The following RIN2 variants were observed in gnomAD, a reference collection of about 807,000 sequenced individuals.
The protein encoded by RIN2 is RAB5 interacting protein 2.
In RIN2, 36 loss-of-function variants were observed where a neutral mutation model predicts 78.0. The ratio of observed to expected loss-of-function variants is 0.46; its 90% CI spans 0.35 to 0.61. RIN2 has a LOEUF of 0.61. Among genes scored for constraint, RIN2 ranks in the 20% least tolerant of loss-of-function variants. The pLI is 0.00. For missense variants in RIN2, 1,087 were observed against 1,159.7 expected (o/e 0.94, Z 0.91); for synonymous variants, 466 against 466.8 (o/e 1.00, Z 0.02).
intron 3 of RIN2, among the ~76,000 whole-genome samples, chr20:19,927,783 C>T (rs887376884): frequency 3.9e-5 from 6 of 152,102 alleles, no homozygotes; most frequent in African/African-American, 7.2e-5. Flanking sequence ...CTCCTGGGCT[C>T]AAGTGATCCT....
chr20:19,861,571 CTGA>C (rs1241340061), intron 2 of RIN2, among the ~76,000 whole-genome samples: 1 of 150,956 alleles, frequency 6.6e-6, no homozygotes, highest in African/African-American at 2.5e-5. Flanking sequence ...CCCTCCATAT[CTGA>C]TGATCACCCT....
At chr20:19,852,365 C>T (rs1196652545) in intron 2 of RIN2, among the ~76,000 whole-genome samples, 1 of 152,186 alleles carries the variant, frequency 6.6e-6, no homozygotes, top group East Asian at 1.9e-4. Context: ...ACCAGAAAGT[C>T]ACCTTATTGA....
chr20:19,818,754 G>GA lies in RIN2; in HGVS notation c.-37+19018dup, dbSNP rs1265221489. On this transcript the variant is annotated intron_variant, in intron 2 of 12. Transcript: ENST00000255006. ...ATCAAAAAAAAAAAAGAAAGAAAGA[G>GA]AAAAAAAAAAAGAAAGTAACTGGGC... Among the ~76,000 whole-genome samples, 412 of 113,490 alleles carry GA rather than the reference G, an allele frequency of 3.6e-3. 4 individuals are homozygous for GA. The highest frequency in any genetic ancestry group is 0.022 in the East Asian group (89 of 4,010). 74.5% of individuals were successfully genotyped at this position (113,490 alleles called of 152,430 possible).
intron 5 of RIN2, among the ~76,000 whole-genome samples, chr20:19,957,821 C>G (rs1008401288): frequency 1.3e-5 from 2 of 152,198 alleles, no homozygotes; most frequent in African/African-American, 4.8e-5. Flanking sequence ...ATTTTAAGTG[C>G]TCTCTGGCCT....
intron 1 of RIN2, among the ~76,000 whole-genome samples, chr20:19,782,707 C>T (rs1304076585): frequency 1.3e-5 from 2 of 152,150 alleles, no homozygotes; most frequent in African/African-American, 4.8e-5. Flanking sequence ...TTCTAAATGC[C>T]TCCCTTCCTC....
chr20:19,838,300 CCCA>C (rs766070565), intron 2 of RIN2, among the ~76,000 whole-genome samples: 1,878 of 152,170 alleles, frequency 0.012, 18 homozygotes, highest in East Asian at 0.035. Context: ...AATTAATTTA[CCCA>C]ATCAAGTTTA....
At position 19,867,804 on chromosome 20, in the gene RIN2, GGTTT is replaced by G. The variant is rs1391985004; in HGVS notation, c.-36-21759_-36-21756del. Among the ~76,000 whole-genome samples the G allele has an allele frequency of 2.0e-5, 3 of 152,284 alleles. No individual in the cohort carries two copies. In the East Asian group the frequency reaches 5.8e-4, roughly 29 times the overall value. On this transcript the variant is annotated intron_variant, in intron 2 of 12. Transcript: ENST00000255006. ...GCAGTGGGAGAATTTTAAGAGTTGT[GGTTT>G]GTCTAAAACTGAGAGATGAATCAAA...
At chr20:19,841,171 C>G (rs1403710931) in intron 2 of RIN2, among the ~76,000 whole-genome samples, 5 of 152,048 alleles carry the variant, frequency 3.3e-5, no homozygotes, top group Admixed American at 1.3e-4. Flanking sequence ...CAGCCTCAAA[C>G]TCTTGGCCTC....
At chr20:19,912,654 T>C (rs539558297) in intron 3 of RIN2, among the ~76,000 whole-genome samples, 3 of 151,886 alleles carry the variant, frequency 2.0e-5, no homozygotes, top group Admixed American at 2.0e-4. Flanking sequence ...AATTTTTGTA[T>C]TTTTAGTAGA....
chr20:19,974,240 C>A (rs2042195551), intron 8 of RIN2, among the ~76,000 whole-genome samples: 1 of 152,160 alleles, frequency 6.6e-6, no homozygotes, highest in Non-Finnish European at 1.5e-5. Context: ...GGAGGGCATC[C>A]CAGGAGAAGT....
In RIN2 at chr20:19,989,407, G is replaced by A. The variant is rs141668867; in HGVS notation, c.1763-599G>A. 1.9e-3 allele frequency among the ~76,000 whole-genome samples: 285 copies of A among 151,632 alleles called. 2 individuals carry two copies. The highest frequency in any genetic ancestry group is 6.6e-3 in the African/African-American group (274 of 41,314). ...TCCTGCCTCAGCCTCCCCAGTAGCT[G>A]GGACTACAAGCGTGCACCACCATGC... On this transcript the variant is annotated intron_variant, in intron 9 of 12. Coordinates refer to ENST00000255006, the MANE Select transcript of RIN2 (RefSeq NM_018993.4).
At chr20:19,837,596 G>A (rs1484481487) in intron 2 of RIN2, among the ~76,000 whole-genome samples, 2 of 152,090 alleles carry the variant, frequency 1.3e-5, no homozygotes, top group African/African-American at 2.4e-5. Flanking sequence ...TTCATTATAA[G>A]TTAAGTATAT....
chr20:19,805,348 G>A (rs151139709), intron 2 of RIN2, among the ~76,000 whole-genome samples: 116 of 152,260 alleles, frequency 7.6e-4, no homozygotes, highest in African/African-American at 2.5e-3. Context: ...ATTCATCTTC[G>A]AATAGTCCAA....
intron 4 of RIN2, among the ~76,000 whole-genome samples, chr20:19,942,352 C>T (rs950890477): frequency 2.0e-5 from 3 of 152,038 alleles, no homozygotes; most frequent in African/African-American, 4.8e-5. Flanking sequence ...ATTTCATTAA[C>T]GAATAAGAAG....
At chr20:19,822,847 T>C (rs529004671) in intron 2 of RIN2, among the ~76,000 whole-genome samples, 27 of 152,360 alleles carry the variant, frequency 1.8e-4, no homozygotes, top group African/African-American at 5.0e-4. Flanking sequence ...TTATTTAGTA[T>C]GCTATAATTT....
At chr20:19,761,314 A>G (rs941814646) in intron 1 of RIN2, among the ~76,000 whole-genome samples, 5 of 152,236 alleles carry the variant, frequency 3.3e-5, no homozygotes, top group African/African-American at 1.2e-4. Flanking sequence ...AGCAGGATTC[A>G]CCGAGTTGTG....
intron 2 of RIN2, among the ~76,000 whole-genome samples, chr20:19,826,201 A>ATCT (rs2036085213): frequency 6.6e-6 from 1 of 152,228 alleles, no homozygotes; most frequent in African/African-American, 2.4e-5. Flanking sequence ...GACTATTTGC[A>ATCT]TGAATACATT....
At chr20:19,960,884 A>T in intron 6 of RIN2, 73 bp downstream of exon 6, 1 of 934,274 alleles carries the variant, frequency 1.1e-6, no homozygotes, top group Non-Finnish European at 1.6e-6. Flanking sequence ...AAATGGAAGG[A>T]GCTCTGGTTA....
At chr20:19,996,382 T>C (rs1252503303) in intron 11 of RIN2, among the ~76,000 whole-genome samples, 1 of 152,010 alleles carries the variant, frequency 6.6e-6, no homozygotes, top group African/African-American at 2.4e-5. Flanking sequence ...TCTCACGCAC[T>C]AGAATGGAAA....
Sources: allele counts gnomAD v4.1 joint callset (sites outside exome capture counted in the v4.1 genomes callset), GRCh38; gene constraint gnomAD v4.1.1; transcripts MANE v1.5; gene names NCBI Gene and HGNC (gene_info 2026-07-23, HGNC 2026-07-21).